Variants in DZANK1 observed in about 807,000 individuals in gnomAD.
DZANK1 encodes double zinc ribbon and ankyrin repeat-containing protein 1.
DZANK1 carries 91 observed loss-of-function variants against 94.5 expected under a neutral mutation model. The observed-to-expected ratio is 0.96, with a 90% confidence interval of 0.81 to 1.15. The LOEUF (loss-of-function observed/expected upper bound fraction) is 1.15, where lower values mean the gene tolerates loss of function less well. DZANK1 is among the 50% of genes most tolerant of loss of function. The pLI is 0.00. For missense variants in DZANK1, 903 were observed against 916.4 expected (o/e 0.99, Z 0.19); for synonymous variants, 312 against 325.3 (o/e 0.96, Z 0.44).
intron 13 of DZANK1, among the ~76,000 whole-genome samples, chr20:18,410,641 T>C (rs2057206537): frequency 1.3e-5 from 2 of 151,832 alleles, no homozygotes; most frequent in Non-Finnish European, 2.9e-5. Context: ...ATTGTCAGAA[T>C]GGACAAAAAA....
At chr20:18,418,402 C>T (rs992127204) in intron 10 of DZANK1, among the ~76,000 whole-genome samples, 5 of 152,154 alleles carry the variant, frequency 3.3e-5, no homozygotes, top group Non-Finnish European at 7.3e-5. Flanking sequence ...AATCCTTGAA[C>T]AACATATGTA....
chr20:18,457,463 C>T (rs967967024), intron 3 of DZANK1, among the ~76,000 whole-genome samples: 74 of 152,138 alleles, frequency 4.9e-4, no homozygotes, highest in African/African-American at 7.7e-4. Flanking sequence ...GGTGACACAG[C>T]GAGACCCTGT....
chr20:18,403,312 A>G (rs965502471), intron 13 of DZANK1, among the ~76,000 whole-genome samples: 2 of 152,242 alleles, frequency 1.3e-5, no homozygotes, highest in Non-Finnish European at 2.9e-5. Context: ...CATGAAGAAC[A>G]AAGGCTACAG....
At chr20:18,401,342 AG>A (rs2056667726) in intron 13 of DZANK1, among the ~76,000 whole-genome samples, 1 of 152,234 alleles carries the variant, frequency 6.6e-6, no homozygotes, top group Non-Finnish European at 1.5e-5. Context: ...GTGAGTCCCC[AG>A]GCTGAACGAG....
At chr20:18,451,049 G>A (rs1383165932) in intron 6 of DZANK1, among the ~76,000 whole-genome samples, 5 of 152,126 alleles carry the variant, frequency 3.3e-5, no homozygotes, top group Non-Finnish European at 5.9e-5. Context: ...CAGTTCAAGC[G>A]ATTCTTCTGC....
intron 4 of DZANK1, 33 bp downstream of exon 4, chr20:18,455,214 A>G: frequency 6.6e-7 from 1 of 1,522,708 alleles, no homozygotes; most frequent in African/African-American, 1.4e-5. Flanking sequence ...AAATACAGTG[A>G]CAATCTGAAT....
At chr20:18,463,088 T>C (rs1351593262) in intron 2 of DZANK1, among the ~76,000 whole-genome samples, 1 of 152,068 alleles carries the variant, frequency 6.6e-6, no homozygotes, top group Non-Finnish European at 1.5e-5. Context: ...CTATTCATAA[T>C]AGCAAAGACA....
chr20:18,419,348 C>T lies in DZANK1; in HGVS notation c.955-3899G>A, dbSNP rs567284587. Among the ~76,000 whole-genome samples the T allele has an allele frequency of 6.0e-5, 9 of 151,026 alleles. No homozygotes were observed. The South Asian group carries it at 6.3e-4, about 11-fold the overall frequency. On this transcript the variant is annotated intron_variant, in intron 10 of 20. Transcript: ENST00000262547. The stretch of plus-strand genomic sequence containing the variant: ...ACAGGTGTGTACATGGACTTCCAGA[C>T]GGAGAGTAGAAAATGAGTGGAGTAG...
intron 9 of DZANK1, among the ~76,000 whole-genome samples, chr20:18,427,515 C>CACAA (rs754958345): frequency 9.2e-5 from 14 of 151,846 alleles, no homozygotes; most frequent in African/African-American, 1.7e-4. Context: ...GAAACAAAAC[C>CACAA]ACAAACAAAC....
intron 15 of DZANK1, 148 bp from the exon 16 acceptor site, chr20:18,394,498 G>A (rs1192932576): frequency 7.5e-6 from 6 of 801,498 alleles, no homozygotes; most frequent in Non-Finnish European, 1.2e-5. Context: ...TGTCCTTCCT[G>A]ACTCCTCCTC....
At chr20:18,385,327 C>A (rs1392763247) in intron 19 of DZANK1, among the ~76,000 whole-genome samples, 1 of 151,330 alleles carries the variant, frequency 6.6e-6, no homozygotes, top group African/African-American at 2.4e-5. Context: ...GTGAGAAACC[C>A]ACAAGGATAT....
intron 10 of DZANK1, among the ~76,000 whole-genome samples, chr20:18,424,495 G>GA (rs2057943731): frequency 6.7e-6 from 1 of 148,710 alleles, no homozygotes; most frequent in East Asian, 2.0e-4. Context: ...GAAAAGAAAA[G>GA]AAAAAAATGA....
intron 1 of DZANK1, 57 bp from the exon 2 acceptor site, chr20:18,465,434 T>G (rs983659097): frequency 1.6e-6 from 1 of 635,936 alleles, no homozygotes; most frequent in Non-Finnish European, 2.4e-6. Flanking sequence ...GAGCAGCACT[T>G]AATTTAAATG....
chr20:18,460,829 A>C (rs559714972), intron 2 of DZANK1, among the ~76,000 whole-genome samples: 2 of 152,262 alleles, frequency 1.3e-5, no homozygotes, highest in Admixed American at 1.3e-4. Context: ...AGTAATAGCA[A>C]TAATGCAGTT....
At chr20:18,459,769 G>GGT (rs1430205181) in intron 3 of DZANK1, among the ~76,000 whole-genome samples, 2 of 152,108 alleles carry the variant, frequency 1.3e-5, no homozygotes, top group Non-Finnish European at 1.5e-5. Flanking sequence ...GAATGACGGC[G>GGT]GTGGTTGTAG....
chr20:18,408,843 G>C (rs911948004), intron 13 of DZANK1, among the ~76,000 whole-genome samples: 1 of 152,194 alleles, frequency 6.6e-6, no homozygotes, highest in African/African-American at 2.4e-5. Flanking sequence ...ATGGGTAATA[G>C]TAAGCACACA....
chr20:18,390,566 G>C, intron 17 of DZANK1, 107 bp from the exon 18 acceptor site: 1 of 1,034,684 alleles, frequency 9.7e-7, no homozygotes. Context: ...AGGTGACTAT[G>C]AGTGTGTGCA....
At position 18,451,197 on chromosome 20, in the gene DZANK1, G is replaced by A. The variant is rs2059088884; in HGVS notation, c.543+1418C>T. On this transcript the variant is annotated intron_variant, in intron 6 of 20. Transcript: ENST00000262547. ...CTGACCTCATGATCTGCCTGCCTCA[G>A]CCTCCCAGTGTGTTGGGATTACAGG... is the stretch of plus-strand genomic sequence containing the variant. Among the ~76,000 whole-genome samples the A allele has an allele frequency of 2.0e-5, 3 of 152,320 alleles. No individual in the cohort carries two copies. In the South Asian group the frequency reaches 6.2e-4, roughly 32 times the overall value.
At chr20:18,412,880 A>T (rs1399649047) in intron 12 of DZANK1, 27 bp from the exon 13 acceptor site, 2 of 1,572,804 alleles carry the variant, frequency 1.3e-6, no homozygotes, top group Admixed American at 1.7e-5. Flanking sequence ...AGACATTTTT[A>T]AAATTAGAAT....
Sources: gnomAD v4.1 joint callset for allele counts (sites outside exome capture counted in the v4.1 genomes callset) on GRCh38, gnomAD v4.1.1 for gene constraint, MANE v1.5 for transcripts, NCBI Gene and HGNC (gene_info 2026-07-23, HGNC 2026-07-21) for gene names.